The following UGGT2 variants were observed in gnomAD, a reference collection of about 807,000 sequenced individuals.
UGGT2 encodes UDP-glucose glycoprotein glucosyltransferase 2.
UGGT2 carries 180 observed loss-of-function variants against 192.1 expected under a neutral mutation model. The observed-to-expected ratio is 0.94, with a 90% CI of 0.83 to 1.06. The LOEUF is 1.06. Among genes scored for constraint, UGGT2 ranks in the 50% least tolerant of loss-of-function variants. UGGT2 has a pLI of 0.00. For synonymous variants in UGGT2, 580 were observed against 591.0 expected, an observed-to-expected ratio of 0.98 and a Z score of 0.27; for missense variants, 1,849 against 1,795.7, an observed-to-expected ratio of 1.03 and a Z score of -0.54.
intron 15 of UGGT2, among the ~76,000 whole-genome samples, chr13:95,941,432 T>C (rs146856545): frequency 6.4e-4 from 97 of 152,266 alleles, no homozygotes; most frequent in Admixed American, 8.5e-4. Flanking sequence ...TACGAGTTTT[T>C]CAATTTAGGG....
At chr13:95,930,649 G>A (rs1236464037) in intron 17 of UGGT2, among the ~76,000 whole-genome samples, 1 of 152,162 alleles carries the variant, frequency 6.6e-6, no homozygotes, top group Non-Finnish European at 1.5e-5. Flanking sequence ...ATGCTGCTCT[G>A]GTTACTGTAG....
intron 33 of UGGT2, among the ~76,000 whole-genome samples, chr13:95,859,225 CTT>C (rs1457250526): frequency 6.6e-6 from 1 of 152,070 alleles, no homozygotes; most frequent in Non-Finnish European, 1.5e-5. Flanking sequence ...TAGGTATAGT[CTT>C]TGTATTTTCT....
intron 10 of UGGT2, among the ~76,000 whole-genome samples, chr13:95,978,393 G>A (rs544278566): frequency 1.2e-4 from 19 of 152,118 alleles, no homozygotes; most frequent in African/African-American, 4.1e-4. Context: ...TTGTTTTGCT[G>A]TTGTTTGAGC....
Position 95,867,332 on chromosome 13 carries a change from C to A in UGGT2, c.3558+7G>T. The A allele has an allele frequency of 6.3e-7, 1 of 1,598,934 alleles. No homozygotes were observed. The highest frequency in any genetic ancestry group is 1.1e-5 in the South Asian group (1 of 87,478). On this transcript the variant is annotated splice_region_variant and intron_variant, in intron 30 of 38. Transcript: ENST00000376747. ...CAAAGCCTATAAAAAGTTCTGCCCCCACATACTTTTACTTTGAGTATCTTG... is the reference window on the plus strand; with the variant it reads ...CAAAGCCTATAAAAAGTTCTGCCCCAACATACTTTTACTTTGAGTATCTTG...
intron 36 of UGGT2, among the ~76,000 whole-genome samples, chr13:95,838,917 C>T (rs1055281492): frequency 2.6e-5 from 4 of 152,164 alleles, no homozygotes; most frequent in Admixed American, 2.6e-4. Flanking sequence ...ATATCAATAT[C>T]CTTTGACCCC....
intron 22 of UGGT2, among the ~76,000 whole-genome samples, chr13:95,897,610 ACTAT>A (rs1319321204): frequency 2.6e-5 from 4 of 152,152 alleles, no homozygotes; most frequent in South Asian, 2.1e-4. Context: ...CAAGCATTAA[ACTAT>A]CTGATTCCAA....
chr13:95,922,993 C>T (rs1456808803), intron 20 of UGGT2, among the ~76,000 whole-genome samples: 4 of 152,122 alleles, frequency 2.6e-5, no homozygotes, highest in African/African-American at 9.7e-5. Context: ...TTTGGAAAGT[C>T]ATTTGTTAAA....
chr13:95,882,108 C>A (rs1163902805), intron 27 of UGGT2, among the ~76,000 whole-genome samples: 1 of 151,828 alleles, frequency 6.6e-6, no homozygotes, highest in African/African-American at 2.4e-5. Context: ...GGAGGTTTCA[C>A]CATGTTGGTC....
chr13:95,992,432 T>C (rs2051487067), intron 7 of UGGT2, among the ~76,000 whole-genome samples: 1 of 152,196 alleles, frequency 6.6e-6, no homozygotes, highest in Non-Finnish European at 1.5e-5. Context: ...TCCTACATAC[T>C]TTTTTTGGTG....
chr13:95,930,188 C>A (rs938664438), intron 17 of UGGT2, among the ~76,000 whole-genome samples: 1 of 152,048 alleles, frequency 6.6e-6, no homozygotes, highest in Non-Finnish European at 1.5e-5. Flanking sequence ...GTCGGATATA[C>A]AGTTTGTGAA....
At chr13:95,902,021 C>T (rs2048118137) in intron 21 of UGGT2, among the ~76,000 whole-genome samples, 1 of 152,126 alleles carries the variant, frequency 6.6e-6, no homozygotes, top group South Asian at 2.1e-4. Flanking sequence ...TTGAATGCTC[C>T]CTCTCAGTCA....
intron 12 of UGGT2, among the ~76,000 whole-genome samples, chr13:95,952,891 T>C (rs2140640899): frequency 6.6e-6 from 1 of 152,316 alleles, no homozygotes; most frequent in South Asian, 2.1e-4. Context: ...AAGACAACTA[T>C]ATAAAAACTA....
intron 24 of UGGT2, 93 bp downstream of exon 24, chr13:95,894,469 T>C: frequency 9.8e-7 from 1 of 1,021,080 alleles, no homozygotes. Flanking sequence ...TAACTTTTAA[T>C]TCTACCTTAA....
chr13:95,864,582 T>C (rs958319710), intron 30 of UGGT2, among the ~76,000 whole-genome samples: 2 of 152,194 alleles, frequency 1.3e-5, no homozygotes, highest in African/African-American at 4.8e-5. Flanking sequence ...GAACTATTTT[T>C]TCCTGGAATT....
At chr13:95,911,265 TA>T (rs895963211) in intron 20 of UGGT2, among the ~76,000 whole-genome samples, 2 of 151,760 alleles carry the variant, frequency 1.3e-5, no homozygotes, top group East Asian at 3.9e-4. Context: ...GATAGAGACA[TA>T]AAAAACCCTT....
At chr13:95,849,446 G>A (rs1400362484) in intron 36 of UGGT2, among the ~76,000 whole-genome samples, 1 of 151,764 alleles carries the variant, frequency 6.6e-6, no homozygotes, top group East Asian at 1.9e-4. Context: ...AGGAGGCTGA[G>A]GCAGGAGAAT....
chr13:96,031,743 A>G, intron 2 of UGGT2, 146 bp downstream of exon 2: 2 of 577,514 alleles, frequency 3.5e-6, no homozygotes, highest in Non-Finnish European at 5.8e-6. Flanking sequence ...AATGGTTTCT[A>G]TTAAAACATA....
At chr13:96,036,361 C>T (rs997084873) in intron 1 of UGGT2, among the ~76,000 whole-genome samples, 1 of 152,118 alleles carries the variant, frequency 6.6e-6, no homozygotes, top group Non-Finnish European at 1.5e-5. Flanking sequence ...GATGAGAACA[C>T]ATGGACACAT....
At position 96,013,379 on chromosome 13, in the gene UGGT2, A is replaced by G; in HGVS notation, c.588T>C (p.Ser196=). 2 of 1,607,922 alleles carry G rather than the reference A, an allele frequency of 1.2e-6. No individual in the cohort carries two copies. Among genetic ancestry groups the G allele is most frequent in the Non-Finnish European group, 1.7e-6 (2 of 1,178,584 alleles). Residue 196 remains serine (S), a synonymous_variant, in exon 5 of 39, where the codon AGT becomes AGC. Coordinates refer to ENST00000376747, the MANE Select transcript of UGGT2 (RefSeq NM_020121.4). ...LYAEMGTRTF[S]AFHKVLSEKA... ...TTTCAGACAATACTTTGTGAAATGC[A>G]CTAAATGTTCTAGTACCCATTTCGG...
Sources: gnomAD v4.1 joint callset for allele counts (sites outside exome capture counted in the v4.1 genomes callset) on GRCh38, gnomAD v4.1.1 for gene constraint, MANE v1.5 for transcripts, NCBI Gene and HGNC (gene_info 2026-07-23, HGNC 2026-07-21) for gene names.